Variants in ATAT1 observed in about 807,000 individuals in gnomAD.
ATAT1 encodes the protein alpha tubulin acetyltransferase 1.
In ATAT1, 42 loss-of-function variants were observed where a neutral mutation model predicts 57.2. That is an observed-to-expected ratio of 0.73 (90% confidence interval 0.57 to 0.95). The LOEUF (loss-of-function observed/expected upper bound fraction) is 0.95. Among genes scored for constraint, ATAT1 ranks in the 40% least tolerant of loss-of-function variants. The pLI, the probability that ATAT1 is intolerant of heterozygous loss-of-function variation, is 0.00. For synonymous variants in ATAT1, 168 were observed against 187.1 expected, an observed-to-expected ratio of 0.90 and a Z score of 0.83; for missense variants, 454 against 523.7, an observed-to-expected ratio of 0.87 and a Z score of 1.30.
In ATAT1 at chr6:30,646,763, A is replaced by G. The variant is rs202077514; in HGVS notation, c.*120A>G. On this transcript the variant is annotated 3_prime_UTR_variant, in exon 13 of 13. Transcript: ENST00000330083. ...CATTCATTCATTCAGCAGGCTTATC[A>G]GATTCAAGTCATTTGTATCTTTTAA... 3.1e-4 allele frequency: 414 copies of G among 1,349,226 alleles called. No homozygotes were observed. The highest frequency in any genetic ancestry group is 4.7e-4 in the Admixed American group (15 of 31,680). 83.6% of individuals were successfully genotyped at this position (1,349,226 alleles called of 1,614,324 possible). A position where few individuals can be genotyped will look rare whatever the true frequency, so the allele number is the denominator to read the frequency against.
chr6:30,637,914 T>G (rs1764497742), intron 6 of ATAT1, among the ~76,000 whole-genome samples: 1 of 152,136 alleles, frequency 6.6e-6, no homozygotes, highest in South Asian at 2.1e-4. Flanking sequence ...AGGTGGAGGT[T>G]GCAGTGAGCT....
At chr6:30,643,238 T>C in intron 10 of ATAT1, 1 of 1,417,964 alleles carries the variant, frequency 7.1e-7, no homozygotes, top group Non-Finnish European at 9.2e-7. Context: ...GGCTTTAATG[T>C]GAGAGTTATG....
intron 9 of ATAT1, 93 bp from the exon 10 acceptor site, chr6:30,642,675 A>T: frequency 1.7e-4 from 134 of 777,428 alleles, no homozygotes; most frequent in Middle Eastern, 3.1e-4. Flanking sequence ...AAAGACTCAG[A>T]TTTCTCTTTT....
rs1230043728 is a variant in ATAT1, at chr6:30,627,867, A to G, written c.241A>G (p.Ile81Val). Residue 81 changes from isoleucine to valine, a missense_variant, in exon 4 of 13, where the codon ATT becomes GTT. By Grantham distance (29) the Ile-to-Val change is conservative (BLOSUM62 3). This residue lies in a region of ATAT1 where 236 missense variants were observed against 284.5 expected (regional missense o/e 0.83). Transcript: ENST00000330083. Reference sequence around the variant, plus strand: ...GTCCTACAGGGCTGGAAAAGGAGCCATTATTGGTTTCATCAAAGTTGGATA... The same window carrying G: ...GTCCTACAGGGCTGGAAAAGGAGCCGTTATTGGTTTCATCAAAGTTGGATA... 3 of 1,613,008 alleles carry G rather than the reference A, an allele frequency of 1.9e-6. No individual in the cohort carries two copies. The highest frequency in any genetic ancestry group is 2.5e-6 in the Non-Finnish European group (3 of 1,179,992).
chr6:30,642,182 C>A lies in ATAT1; in HGVS notation c.623C>A (p.Ala208Glu), dbSNP rs745528984. ...ATGTCCCCTCCACTGCCAGCTCCAGCAAGGAAGCTGCCACCCAAGAGAGCA... is the reference window on the plus strand; with the variant it reads ...ATGTCCCCTCCACTGCCAGCTCCAGAAAGGAAGCTGCCACCCAAGAGAGCA... The change falls in exon 9 of 13, where the codon GCA (alanine) becomes GAA (glutamate). Residue 208 changes from alanine to glutamate, a missense_variant. Ala to Glu is a moderately radical substitution (Grantham distance 107). Around this residue, in one of 3 missense-constraint regions of ATAT1, gnomAD observed 236 missense variants for 284.5 expected, o/e 0.83. Transcript: ENST00000330083. 6.2e-7 allele frequency: 1 copy of A among 1,614,068 alleles called. No homozygotes were observed. Among genetic ancestry groups the A allele is most frequent in the Non-Finnish European group, 8.5e-7 (1 of 1,180,016 alleles).
Position 30,642,833 on chromosome 6 carries a change from G to GCTCCCCC in ATAT1, c.755_756insTCCCCCC (p.His253ProfsTer49). 1.3e-6 allele frequency: 2 copies of GCTCCCCC among 1,537,878 alleles called. No individual in the cohort carries two copies. Among genetic ancestry groups the GCTCCCCC allele is most frequent in the Non-Finnish European group, 1.7e-6 (2 of 1,145,784 alleles). ...GGCCCCTCGCCGCGCCACACCTCCA[G>GCTCCCCC]CCCACCCACCCCCCCGCTCCAGCAG... On this transcript the variant is annotated frameshift_variant, in exon 10 of 13. Transcript: ENST00000330083. LOFTEE classifies it high-confidence loss of function.
chr6:30,643,855 A>G, intron 10 of ATAT1: 1 of 1,299,218 alleles, frequency 7.7e-7, no homozygotes, highest in Non-Finnish European at 9.8e-7. Flanking sequence ...TGGCTCATAC[A>G]TTTATCTAGA....
chr6:30,644,653 A>G (rs1232255174), intron 10 of ATAT1: 4 of 982,952 alleles, frequency 4.1e-6, no homozygotes, highest in Non-Finnish European at 3.6e-6. Context: ...GACATTTTCA[A>G]TGAAAAAAAG....
intron 10 of ATAT1, chr6:30,643,435 C>T: frequency 2.0e-6 from 3 of 1,533,838 alleles, no homozygotes; most frequent in Non-Finnish European, 1.8e-6. Context: ...TATTTCTCTC[C>T]CTTTCTCTTC....
At chr6:30,640,644 T>C (rs1338821816) in intron 8 of ATAT1, 41 bp downstream of exon 8, 1 of 1,606,038 alleles carries the variant, frequency 6.2e-7, no homozygotes, top group South Asian at 1.1e-5. Context: ...AGTGCAGTGA[T>C]GGCTACTTAC....
chr6:30,634,104 C>A (rs998415304), intron 6 of ATAT1: 2 of 157,944 alleles, frequency 1.3e-5, no homozygotes, highest in Admixed American at 6.6e-5. Flanking sequence ...CAGGCACTCA[C>A]CACCACCCAA....
At chr6:30,640,909 A>G (rs1190386792) in intron 8 of ATAT1, among the ~76,000 whole-genome samples, 1 of 152,204 alleles carries the variant, frequency 6.6e-6, no homozygotes, top group Non-Finnish European at 1.5e-5. Context: ...GGCTTCTGTT[A>G]GCCAGTGAGG....
intron 6 of ATAT1, among the ~76,000 whole-genome samples, chr6:30,639,860 A>G (rs933275985): frequency 6.6e-6 from 1 of 152,058 alleles, no homozygotes; most frequent in Non-Finnish European, 1.5e-5. Context: ...CTGGCTGAGC[A>G]TGGTGGCTCA....
chr6:30,627,939 G>A (rs533460691), intron 4 of ATAT1, 28 bp downstream of exon 4: 57 of 1,611,620 alleles, frequency 3.5e-5, no homozygotes, highest in African/African-American at 5.3e-5. Flanking sequence ...CTAGGAGTTC[G>A]TATACCTTGG....
chr6:30,631,257 G>A (rs1444629883), intron 6 of ATAT1, among the ~76,000 whole-genome samples: 5 of 152,060 alleles, frequency 3.3e-5, no homozygotes, highest in Admixed American at 6.6e-5. Flanking sequence ...GCCGAGGCGC[G>A]CGGATCACGA....
intron 6 of ATAT1, among the ~76,000 whole-genome samples, chr6:30,637,189 A>C (rs752251407): frequency 2.0e-4 from 30 of 152,170 alleles, no homozygotes; most frequent in Non-Finnish European, 4.1e-4. Context: ...TTCACATTTC[A>C]TGGGCTCTAT....
intron 6 of ATAT1, among the ~76,000 whole-genome samples, chr6:30,636,658 G>A (rs1283137748): frequency 6.6e-6 from 1 of 151,984 alleles, no homozygotes; most frequent in Non-Finnish European, 1.5e-5. Context: ...TGGTTGGAGT[G>A]CTGGGCATGT....
chr6:30,630,701 G>A (rs982280159), intron 6 of ATAT1, among the ~76,000 whole-genome samples: 2 of 152,184 alleles, frequency 1.3e-5, no homozygotes, highest in African/African-American at 4.8e-5. Flanking sequence ...ACTTTGGGAG[G>A]CCAAGGCAGG....
At chr6:30,644,075 C>T in intron 10 of ATAT1, 1 of 988,636 alleles carries the variant, frequency 1.0e-6, no homozygotes, top group African/African-American at 1.7e-5. Flanking sequence ...AGCTCTGCTT[C>T]AGAGCAGTCT....
Sources: gnomAD v4.1 joint callset for allele counts (sites outside exome capture counted in the v4.1 genomes callset) on GRCh38, gnomAD v4.1.1 for gene constraint, gnomAD v4.1.1 regional missense constraint, MANE v1.5 for transcripts, NCBI Gene and HGNC (gene_info 2026-07-23, HGNC 2026-07-21) for gene names.